SETBP1: variants seen among roughly 807,000 people sequenced by gnomAD.
SETBP1 encodes the protein SET binding protein 1, also known as SET-binding protein.
A neutral mutation model predicts 101.0 loss-of-function variants in SETBP1; 9 were observed. The observed-to-expected ratio is 0.09, with a 90% CI of 0.05 to 0.16. The LOEUF is 0.16. Ranked by LOEUF, SETBP1 falls within the 10% of genes least tolerant of loss-of-function variation. SETBP1 has a pLI of 1.00. For missense variants in SETBP1, 1,858 were observed against 2,033.8 expected, an observed-to-expected ratio of 0.91 and a Z score of 1.66; for synonymous variants, 818 against 788.5, an observed-to-expected ratio of 1.04 and a Z score of -0.63.
At chr18:44,730,436 A>T (rs1041272669) in intron 2 of SETBP1, among the ~76,000 whole-genome samples, 1 of 152,196 alleles carries the variant, frequency 6.6e-6, no homozygotes, top group Non-Finnish European at 1.5e-5. Context: ...TGCTATACAG[A>T]TATGTAGATG....
At chr18:45,060,386 A>G (rs1395592710) in intron 5 of SETBP1, among the ~76,000 whole-genome samples, 1 of 152,204 alleles carries the variant, frequency 6.6e-6, no homozygotes, top group African/African-American at 2.4e-5. Context: ...AGTTTCTTAC[A>G]TCATTACCAA....
chr18:44,957,751 G>A (rs8082986), intron 4 of SETBP1, among the ~76,000 whole-genome samples: 35,635 of 151,998 alleles, frequency 0.23, 4,487 homozygotes, highest in East Asian at 0.54. Context: ...GAGGGAATTA[G>A]CCACGTGGAT....
At position 44,986,896 on chromosome 18, in the gene SETBP1, T is replaced by TTAGTATAGTATAGTA. The variant is rs1167515033; in HGVS notation, c.4000+33588_4000+33602dup. The TTAGTATAGTATAGTA allele has an allele frequency of 2.8e-3, 402 of 143,798 alleles. 1 individual carries two copies. The highest frequency in any genetic ancestry group is 4.5e-3 in the Non-Finnish European group (295 of 65,820). 8.9% of individuals were successfully genotyped at this position (143,798 alleles called of 1,614,324 possible). ...GGAGTGTACTCTAAAATAACAATAG[T>TTAGTATAGTATAGTA]TAGTATAGTATAGTATAGTATAGTA... On this transcript the variant is annotated intron_variant, in intron 4 of 5. Transcript: ENST00000649279.
intron 2 of SETBP1, among the ~76,000 whole-genome samples, chr18:44,859,989 T>C (rs2068967655): frequency 6.6e-6 from 1 of 152,192 alleles, no homozygotes; most frequent in Admixed American, 6.5e-5. Context: ...ACTTCGGTGC[T>C]CAGATACTCT....
intron 2 of SETBP1, among the ~76,000 whole-genome samples, chr18:44,765,705 A>T (rs1000509447): frequency 6.6e-6 from 1 of 152,054 alleles, no homozygotes; most frequent in Non-Finnish European, 1.5e-5. Flanking sequence ...ACTGAGCTCT[A>T]CTCCGGTTAC....
chr18:44,989,423 A>G (rs2072307484), intron 4 of SETBP1, among the ~76,000 whole-genome samples: 1 of 152,330 alleles, frequency 6.6e-6, no homozygotes, highest in African/African-American at 2.4e-5. Flanking sequence ...GACAGAAAAC[A>G]GTAGAAACAA....
At chr18:44,819,681 G>C (rs761844891) in intron 2 of SETBP1, among the ~76,000 whole-genome samples, 16 of 152,026 alleles carry the variant, frequency 1.1e-4, no homozygotes, top group Non-Finnish European at 1.8e-4. Context: ...GCCCCACAAG[G>C]AAGTGTAATT....
At chr18:44,839,112 T>C (rs2072559270) in intron 2 of SETBP1, among the ~76,000 whole-genome samples, 1 of 151,932 alleles carries the variant, frequency 6.6e-6, no homozygotes, top group South Asian at 2.1e-4. Flanking sequence ...TGCTTCTTTC[T>C]AAAGAATTAA....
At chr18:44,779,125 G>A (rs539810593) in intron 2 of SETBP1, among the ~76,000 whole-genome samples, 1 of 152,238 alleles carries the variant, frequency 6.6e-6, no homozygotes, top group Non-Finnish European at 1.5e-5. Flanking sequence ...GGACAATGTT[G>A]CTTTTGTGAC....
chr18:44,891,936 TG>T (rs1425350518), intron 3 of SETBP1, among the ~76,000 whole-genome samples: 1 of 152,150 alleles, frequency 6.6e-6, no homozygotes, highest in Non-Finnish European at 1.5e-5. Flanking sequence ...CAAAGGAGTT[TG>T]CACATGATCA....
At chr18:44,787,041 T>C (rs1313371639) in intron 2 of SETBP1, among the ~76,000 whole-genome samples, 1 of 152,222 alleles carries the variant, frequency 6.6e-6, no homozygotes, top group Admixed American at 6.5e-5. Context: ...AATCCATTTA[T>C]AGACTTTGAT....
chr18:45,036,349 A>AAAT (rs1178793183), intron 4 of SETBP1, among the ~76,000 whole-genome samples: 1 of 147,982 alleles, frequency 6.8e-6, no homozygotes. Flanking sequence ...AAAAAAAAAA[A>AAAT]GGCTAAGAAG....
At chr18:44,706,534 G>A (rs1428847433) in intron 2 of SETBP1, among the ~76,000 whole-genome samples, 1 of 137,972 alleles carries the variant, frequency 7.2e-6, no homozygotes, top group Non-Finnish European at 1.5e-5. Flanking sequence ...GTTGCAGTGA[G>A]CCGAGATGGT....
intron 4 of SETBP1, among the ~76,000 whole-genome samples, chr18:45,021,500 T>C (rs2073067239): frequency 6.6e-6 from 1 of 152,238 alleles, no homozygotes; most frequent in South Asian, 2.1e-4. Context: ...GTTGTTTCTC[T>C]TCTCTTCCCA....
intron 4 of SETBP1, among the ~76,000 whole-genome samples, chr18:45,003,851 CT>C (rs2072669258): frequency 6.6e-6 from 1 of 152,124 alleles, no homozygotes; most frequent in African/African-American, 2.4e-5. Flanking sequence ...TATCACTGTG[CT>C]TTATGACTTA....
At chr18:44,868,888 C>T (rs1170433030) in intron 2 of SETBP1, among the ~76,000 whole-genome samples, 3 of 152,166 alleles carry the variant, frequency 2.0e-5, no homozygotes, top group Non-Finnish European at 4.4e-5. Context: ...ATATATACAT[C>T]TATAGATTCA....
intron 5 of SETBP1, among the ~76,000 whole-genome samples, chr18:45,043,570 T>C (rs778184397): frequency 6.6e-6 from 1 of 152,232 alleles, no homozygotes; most frequent in African/African-American, 2.4e-5. Flanking sequence ...GTATCAAGGC[T>C]AATCCATTAT....
At chr18:44,910,042 T>C (rs1206801024) in intron 3 of SETBP1, among the ~76,000 whole-genome samples, 2 of 152,212 alleles carry the variant, frequency 1.3e-5, no homozygotes, top group African/African-American at 4.8e-5. Flanking sequence ...TTTCAAGAAG[T>C]CAGCACCTGA....
intron 2 of SETBP1, among the ~76,000 whole-genome samples, chr18:44,814,116 G>C (rs1385321079): frequency 6.6e-6 from 1 of 152,210 alleles, no homozygotes; most frequent in Non-Finnish European, 1.5e-5. Flanking sequence ...TGAAGGAGTA[G>C]AGAAAATGCA....
Sources: gnomAD v4.1 joint callset for allele counts (sites outside exome capture counted in the v4.1 genomes callset) on GRCh38, gnomAD v4.1.1 for gene constraint, MANE v1.5 for transcripts, NCBI Gene and HGNC (gene_info 2026-07-23, HGNC 2026-07-21) for gene names.